Variants in ARHGAP17 observed in about 807,000 individuals in gnomAD.
ARHGAP17 encodes Rho GTPase activating protein 17, also known as rho GTPase-activating protein 17.
A neutral mutation model predicts 99.5 loss-of-function variants in ARHGAP17; 57 were observed. The ratio of observed to expected loss-of-function variants is 0.57; its 90% confidence interval spans 0.46 to 0.71. The LOEUF is 0.71. ARHGAP17 is among the 30% of genes least tolerant of loss of function. The pLI, the probability that ARHGAP17 is intolerant of heterozygous loss-of-function variation, is 0.00. For synonymous variants in ARHGAP17, 417 were observed against 429.6 expected (o/e 0.97, Z 0.36); for missense variants, 1,000 against 1,122.4 (o/e 0.89, Z 1.56).
Position 24,931,017 on chromosome 16 carries a change from G to A in ARHGAP17, c.2282C>T (p.Pro761Leu). 1.2e-6 allele frequency: 2 copies of A among 1,613,176 alleles called. No individual in the cohort carries two copies. Among genetic ancestry groups the A allele is most frequent in the Non-Finnish European group, 1.7e-6 (2 of 1,179,576 alleles). Residue 761 changes from proline to leucine, a missense_variant, in exon 19 of 20, where the codon CCC (proline) becomes CTC (leucine). Physicochemically the swap from Pro to Leu is moderately conservative, Grantham distance 98 (BLOSUM62 -3). Coordinates refer to ENST00000289968, the MANE Select transcript of ARHGAP17 (RefSeq NM_001006634.3). ...SHTPPQTPTP[P>L]STPPLGKQNP... ...CTGTTTTCCTAGGGGCGGAGTACTGGGGGGCGTTGGAGTCTGGGGAGGGGT... is the reference window on the plus strand; with the variant it reads ...CTGTTTTCCTAGGGGCGGAGTACTGAGGGGCGTTGGAGTCTGGGGAGGGGT...
chr16:24,941,911 C>T (rs1228481691), intron 16 of ARHGAP17, 76 bp downstream of exon 16: 40 of 1,601,740 alleles, frequency 2.5e-5, no homozygotes, highest in Middle Eastern at 1.7e-4. Flanking sequence ...AATCCCAAGT[C>T]CACTGAGCGA....
chr16:24,991,189 C>A (rs1214084207), intron 1 of ARHGAP17, among the ~76,000 whole-genome samples: 1 of 152,096 alleles, frequency 6.6e-6, no homozygotes, highest in Non-Finnish European at 1.5e-5. Context: ...GTGCACCTTA[C>A]TAAGAAACAT....
At chr16:24,939,044 G>T (rs1185176668) in intron 17 of ARHGAP17, among the ~76,000 whole-genome samples, 3 of 152,208 alleles carry the variant, frequency 2.0e-5, no homozygotes, top group Non-Finnish European at 2.9e-5. Context: ...TGAACAGAAG[G>T]TACATGAATG....
At chr16:24,950,122 G>A (rs148118737) in intron 12 of ARHGAP17, among the ~76,000 whole-genome samples, 124 of 152,248 alleles carry the variant, frequency 8.1e-4, no homozygotes, top group African/African-American at 2.6e-3. Flanking sequence ...CACTTTGAAC[G>A]TGAAATATCC....
At chr16:25,007,469 G>A (rs1427404733) in intron 1 of ARHGAP17, among the ~76,000 whole-genome samples, 1 of 152,094 alleles carries the variant, frequency 6.6e-6, no homozygotes, top group East Asian at 1.9e-4. Context: ...AGGCTCAAGC[G>A]ATCCTCCCAC....
intron 19 of ARHGAP17, 29 bp from the exon 20 acceptor site, chr16:24,920,289 T>C (rs371043381): frequency 2.5e-6 from 4 of 1,613,032 alleles, no homozygotes; most frequent in Non-Finnish European, 3.4e-6. Context: ...AGACATGGTA[T>C]CAATGAGGGG....
At chr16:24,956,174 C>T (rs2051802395) in intron 9 of ARHGAP17, 1 of 152,234 alleles carries the variant, frequency 6.6e-6, no homozygotes, top group Non-Finnish European at 1.5e-5. Flanking sequence ...AAATGACACC[C>T]GCCATTGCCT....
At chr16:24,940,735 T>C (rs371097418) in intron 16 of ARHGAP17, among the ~76,000 whole-genome samples, 18 of 152,092 alleles carry the variant, frequency 1.2e-4, no homozygotes, top group African/African-American at 3.9e-4. Flanking sequence ...AGCCGTTGCT[T>C]TGGGGAAGGG....
At chr16:24,968,629 G>C (rs372700918) in intron 5 of ARHGAP17, 32 bp downstream of exon 5, 1 of 1,608,320 alleles carries the variant, frequency 6.2e-7, no homozygotes, top group Non-Finnish European at 8.5e-7. Flanking sequence ...CACCACTCTC[G>C]GCTCTTCCGT....
chr16:24,938,083 C>A (rs897437946), intron 17 of ARHGAP17, among the ~76,000 whole-genome samples: 1 of 152,186 alleles, frequency 6.6e-6, no homozygotes, highest in African/African-American at 2.4e-5. Flanking sequence ...CAAGTTATGG[C>A]TGGGCGCGGT....
intron 3 of ARHGAP17, among the ~76,000 whole-genome samples, chr16:24,974,999 A>G (rs2052472665): frequency 6.6e-6 from 1 of 151,986 alleles, no homozygotes; most frequent in Non-Finnish European, 1.5e-5. Context: ...AAAAACAAAC[A>G]AACAATTAGC....
At chr16:24,928,128 T>C (rs2050889396) in intron 19 of ARHGAP17, among the ~76,000 whole-genome samples, 1 of 152,242 alleles carries the variant, frequency 6.6e-6, no homozygotes, top group Non-Finnish European at 1.5e-5. Flanking sequence ...AAGTTATATA[T>C]TTTTTCCTCC....
In ARHGAP17 at chr16:24,935,542, C is replaced by T. The variant is rs1461145647; in HGVS notation, c.1822G>A (p.Ala608Thr). The T allele has an allele frequency of 1.2e-6, 2 of 1,613,870 alleles. No individual in the cohort carries two copies. Among genetic ancestry groups the T allele is most frequent in the Admixed American group, 3.3e-5 (2 of 59,992 alleles). The change falls in exon 18 of 20, where the codon GCT (alanine) becomes ACT (threonine). Residue 608 changes from alanine to threonine, a missense_variant. Transcript: ENST00000289968. The stretch of plus-strand genomic sequence containing the variant: ...CCCATGGAGAGCTGGTGGGAGCCAG[C>T]AGCTGCCTGGGGCTGATTTTGGCCA... The part of the protein sequence containing the change: ...ASGQNQPQAA[A>T]GSHQLSMGQP...
At chr16:24,964,575 C>T (rs1440044284) in intron 6 of ARHGAP17, among the ~76,000 whole-genome samples, 1 of 152,138 alleles carries the variant, frequency 6.6e-6, no homozygotes, top group Non-Finnish European at 1.5e-5. Context: ...TTGTCTCACA[C>T]AAACTCTACT....
intron 4 of ARHGAP17, among the ~76,000 whole-genome samples, chr16:24,969,960 T>C (rs115720514): frequency 2.0e-5 from 3 of 152,296 alleles, no homozygotes; most frequent in African/African-American, 7.2e-5. Flanking sequence ...CCAGCCTTGC[T>C]GCAGGAGCAG....
chr16:24,940,086 T>TA (rs150437227), intron 16 of ARHGAP17, among the ~76,000 whole-genome samples: 2,660 of 151,826 alleles, frequency 0.018, 73 homozygotes, highest in African/African-American at 0.059. Flanking sequence ...ACTGGGATAC[T>TA]AAAAAAAAAT....
At chr16:25,015,138 G>A (rs2053750878) in intron 1 of ARHGAP17, 71 bp downstream of exon 1, 3 of 1,197,238 alleles carry the variant, frequency 2.5e-6, no homozygotes, top group Non-Finnish European at 3.1e-6. Context: ...CGGAGGAGCC[G>A]TCCCGCCCCC....
intron 12 of ARHGAP17, among the ~76,000 whole-genome samples, chr16:24,951,178 G>C (rs1265219590): frequency 6.6e-6 from 1 of 151,582 alleles, no homozygotes; most frequent in Non-Finnish European, 1.5e-5. Context: ...TCTGTTCCTA[G>C]ACAGACTGAA....
intron 6 of ARHGAP17, among the ~76,000 whole-genome samples, chr16:24,965,423 C>A (rs926814052): frequency 1.3e-5 from 2 of 152,198 alleles, no homozygotes; most frequent in African/African-American, 4.8e-5. Context: ...TGAGCCCAGA[C>A]CAAGATCGCA....
Sources: allele counts gnomAD v4.1 joint callset (sites outside exome capture counted in the v4.1 genomes callset), GRCh38; gene constraint gnomAD v4.1.1; transcripts MANE v1.5; gene names NCBI Gene and HGNC (gene_info 2026-07-23, HGNC 2026-07-21).